Variants in MUC4 observed in about 807,000 individuals in gnomAD.
The protein encoded by MUC4 is mucin 4, cell surface associated.
Under a neutral mutation model 257.9 loss-of-function variants are expected in MUC4, and 202 were observed. That is an observed-to-expected ratio of 0.78 (90% CI 0.70 to 0.88). MUC4 has a LOEUF of 0.88. Among genes scored for constraint, MUC4 ranks in the 40% least tolerant of loss-of-function variants. The pLI is 0.00. For synonymous variants in MUC4, 2,351 were observed against 2,757.1 expected (o/e 0.85, Z 4.62); for missense variants, 5,976 against 6,513.7 (o/e 0.92, Z 2.84).
chr3:195,767,849 G>GCCACCA (rs1560265819), intron 7 of MUC4, among the ~76,000 whole-genome samples: 1 of 52,942 alleles, frequency 1.9e-5, no homozygotes, highest in Non-Finnish European at 3.9e-5. Context: ...CACCACCATC[G>GCCACCA]CCACCATCAC....
intron 1 of MUC4, among the ~76,000 whole-genome samples, chr3:195,806,105 G>C (rs990335350): frequency 1.3e-5 from 2 of 152,182 alleles, no homozygotes. Flanking sequence ...GACACAGTGA[G>C]ACTCTGTCTC....
At position 195,764,067 on chromosome 3, in the gene MUC4, A is replaced by G. The variant is rs1719863191; in HGVS notation, c.14022T>C (p.Ala4674=). 1 of 1,610,774 alleles carries G rather than the reference A, an allele frequency of 6.2e-7. No homozygotes were observed. The highest frequency in any genetic ancestry group is 8.5e-7 in the Non-Finnish European group (1 of 1,179,176). The change falls in exon 11 of 25, where the codon GCT becomes GCC. Residue 4674 remains alanine, a synonymous_variant. Coordinates refer to ENST00000463781, the MANE Select transcript of MUC4 (RefSeq NM_018406.7). ...CACCGGGCTGTGGGGGCCTGTATGT[A>G]GCACAGCCCACGTGGGGCCGCCTCT... The part of the protein sequence containing the change: ...YQQRRPHVGC[A]TYRPPQPAWM...
At chr3:195,805,837 C>T (rs906910516) in intron 1 of MUC4, among the ~76,000 whole-genome samples, 2 of 151,824 alleles carry the variant, frequency 1.3e-5, no homozygotes, top group African/African-American at 2.4e-5. Flanking sequence ...TAATCTGGGC[C>T]GGGCGCAGTG....
chr3:195,752,990 G>A, intron 20 of MUC4, 61 bp downstream of exon 20: 1 of 1,410,730 alleles, frequency 7.1e-7, no homozygotes, highest in Non-Finnish European at 9.7e-7. Context: ...CGGAGTGCGG[G>A]GGTGAGAGGG....
At chr3:195,775,965 C>T (rs1431810032) in intron 3 of MUC4, among the ~76,000 whole-genome samples, 273 of 34,948 alleles carry the variant, frequency 7.8e-3, no homozygotes, top group Admixed American at 0.013. Flanking sequence ...CCTTCCACAC[C>T]CATACCTTCC....
rs1560283426 is a variant in MUC4, at chr3:195,775,395, C to CTTCCACACCCATACCTTCCACAGT, written c.12944-1091_12944-1090insACTGTGGAAGGTATGGGTGTGGAA. Among the ~76,000 whole-genome samples, 37 of 113,650 alleles carry CTTCCACACCCATACCTTCCACAGT rather than the reference C, an allele frequency of 3.3e-4. 8 individuals carry two copies. The highest frequency in any genetic ancestry group is 1.1e-3 in the South Asian group (4 of 3,538). The allele number at this position is 113,650 out of a possible 152,430, so 74.6% of individuals were successfully genotyped here. A position where few individuals can be genotyped will look rare whatever the true frequency, so the allele number is the denominator to read the frequency against. ...CCTACCACACTCGTACCTTCCACAC[C>CTTCCACACCCATACCTTCCACAGT]CATACCTTCCACACCCATACCTTCC... On this transcript the variant is annotated intron_variant, in intron 3 of 24. Coordinates refer to ENST00000463781, the MANE Select transcript of MUC4 (RefSeq NM_018406.7).
intron 18 of MUC4, among the ~76,000 whole-genome samples, chr3:195,754,669 A>G (rs1320197445): frequency 6.6e-6 from 1 of 152,252 alleles, no homozygotes; most frequent in African/African-American, 2.4e-5. Flanking sequence ...TTTGCCTGAA[A>G]TCCTTTCTAG....
chr3:195,788,850 A>C lies in MUC4; in HGVS notation c.2730T>G (p.Thr910=), dbSNP rs1330774201. 1.1e-5 allele frequency: 17 copies of C among 1,613,628 alleles called. No homozygotes were observed. The highest frequency in any genetic ancestry group is 1.4e-5 in the Non-Finnish European group (16 of 1,179,810). The change falls in exon 2 of 25, where the codon ACT becomes ACG. Residue 910 remains threonine, a synonymous_variant. Transcript: ENST00000463781. The part of the protein sequence containing the change: ...ETAAISRMAQ[T]QRTRTSRGSD... ...ACCCTCTGCTGGTTCTTGTCCTCTG[A>C]GTCTGGGCCATCCGGGAAATGGCGG...
rs74986318 is a variant in MUC4, at chr3:195,801,202, C to A, written c.83-9705G>T. 1.7e-3 allele frequency among the ~76,000 whole-genome samples: 264 copies of A among 152,298 alleles called. 5 individuals are homozygous for A. In the East Asian group the frequency reaches 0.045, roughly 26 times the overall value. On this transcript the variant is annotated intron_variant, in intron 1 of 24. Transcript: ENST00000463781. ...GGCTCTCACCAGGATGCAAGTCAGG[C>A]CCTTCAGGTTCCGTCAGATTGTCAG...
intron 8 of MUC4, 96 bp from the exon 9 acceptor site, chr3:195,765,545 C>T: frequency 8.2e-7 from 1 of 1,226,848 alleles, no homozygotes; most frequent in South Asian, 1.5e-5. Context: ...AAATGCACCC[C>T]CTCCTGCCAC....
chr3:195,795,882 G>A (rs988148513), intron 1 of MUC4, among the ~76,000 whole-genome samples: 7 of 147,932 alleles, frequency 4.7e-5, no homozygotes, highest in Admixed American at 1.3e-4. Flanking sequence ...AGACAGAAAA[G>A]ACACAGATAT....
At chr3:195,748,528 C>T (rs1715632632) in intron 24 of MUC4, among the ~76,000 whole-genome samples, 1 of 152,270 alleles carries the variant, frequency 6.6e-6, no homozygotes, top group Admixed American at 6.5e-5. Context: ...CGCACCACTG[C>T]ACTCCAGCCT....
chr3:195,775,057 G>C (rs1724040853), intron 3 of MUC4, among the ~76,000 whole-genome samples: 1 of 151,998 alleles, frequency 6.6e-6, no homozygotes, highest in African/African-American at 2.4e-5. Flanking sequence ...AGAGGCCCTC[G>C]GGCTCCAGTT....
intron 3 of MUC4, 32 bp downstream of exon 3, chr3:195,778,271 A>T: frequency 6.4e-7 from 1 of 1,556,042 alleles, no homozygotes; most frequent in Non-Finnish European, 8.7e-7. Context: ...ATCACCCCTC[A>T]AAAGGCACAG....
At chr3:195,767,528 TCGCCAC>T (rs1236577767) in intron 7 of MUC4, among the ~76,000 whole-genome samples, 421 of 27,664 alleles carry the variant, frequency 0.015, 3 homozygotes, top group Middle Eastern at 0.038. Flanking sequence ...ACCACCACCA[TCGCCAC>T]CACCATCATC....
intron 1 of MUC4, 32 bp from the exon 2 acceptor site, chr3:195,791,529 C>T (rs1733864326): frequency 1.4e-6 from 2 of 1,429,836 alleles, no homozygotes; most frequent in Non-Finnish European, 2.0e-6. Context: ...AAGCAGAGAG[C>T]TAAATCATGA....
At chr3:195,793,143 TAAAA>T (rs1560407311) in intron 1 of MUC4, among the ~76,000 whole-genome samples, 1 of 151,128 alleles carries the variant, frequency 6.6e-6, no homozygotes, top group South Asian at 2.1e-4. Context: ...TGAAAAGAAA[TAAAA>T]AGAAAAAATG....
chr3:195,766,707 A>T lies in MUC4; in HGVS notation c.13574T>A (p.Val4525Glu). Reference protein sequence around the residue: ...FENSPLMSQPVWERYRPDRFL... With the variant: ...FENSPLMSQPEWERYRPDRFL... ...TCTATCAGGGCGATACCTCTCCCACACTGGCTGGGACATCAGTGGGCTGTT... is the reference window on the plus strand; with the variant it reads ...TCTATCAGGGCGATACCTCTCCCACTCTGGCTGGGACATCAGTGGGCTGTT... The change falls in exon 8 of 25, where the codon GTG (valine) becomes GAG (glutamate). Residue 4525 changes from valine to glutamate, a missense_variant. Val to Glu is a moderately radical substitution (Grantham distance 121). This residue lies in a region of MUC4 where 996 missense variants were observed against 1,137.3 expected (regional missense o/e 0.88). Coordinates refer to ENST00000463781, the MANE Select transcript of MUC4 (RefSeq NM_018406.7). 6.2e-7 allele frequency: 1 copy of T among 1,614,172 alleles called. No individual in the cohort carries two copies. The highest frequency in any genetic ancestry group is 1.7e-5 in the Admixed American group (1 of 60,020).
intron 7 of MUC4, among the ~76,000 whole-genome samples, chr3:195,767,537 CCATCAT>C (rs1425723902): frequency 5.4e-5 from 7 of 129,250 alleles, no homozygotes; most frequent in African/African-American, 1.5e-4. Context: ...ATCGCCACCA[CCATCAT>C]CACCATCACC....
Sources: allele counts gnomAD v4.1 joint callset (sites outside exome capture counted in the v4.1 genomes callset), GRCh38; gene constraint gnomAD v4.1.1; regional missense constraint gnomAD v4.1.1; transcripts MANE v1.5; gene names NCBI Gene and HGNC (gene_info 2026-07-23, HGNC 2026-07-21).